Variants in PPFIA2 observed in about 807,000 individuals in gnomAD.
PPFIA2 encodes the protein liprin-alpha-2.
In PPFIA2, 46 loss-of-function variants were observed where a neutral mutation model predicts 175.5. The observed-to-expected ratio is 0.26, with a 90% confidence interval of 0.21 to 0.34. The LOEUF (loss-of-function observed/expected upper bound fraction) is 0.34, where lower values mean the gene tolerates loss of function less well. Among genes scored for constraint, PPFIA2 ranks in the 10% least tolerant of loss-of-function variants. PPFIA2 has a pLI of 1.00. For missense variants in PPFIA2, 1,179 were observed against 1,506.1 expected (o/e 0.78, Z 3.60); for synonymous variants, 568 against 511.4 (o/e 1.11, Z -1.49).
intron 4 of PPFIA2, among the ~76,000 whole-genome samples, chr12:81,553,713 C>T (rs2068341147): frequency 6.6e-6 from 1 of 152,008 alleles, no homozygotes; most frequent in Non-Finnish European, 1.5e-5. Context: ...TTGCATGATG[C>T]TAGTCCCATC....
chr12:81,706,834 T>A (rs968095073), intron 3 of PPFIA2, among the ~76,000 whole-genome samples: 4 of 152,152 alleles, frequency 2.6e-5, no homozygotes, highest in Non-Finnish European at 2.9e-5. Flanking sequence ...TACAGATCAA[T>A]GGAACAGAAC....
At chr12:81,527,726 T>C (rs541978339) in intron 4 of PPFIA2, among the ~76,000 whole-genome samples, 2 of 152,232 alleles carry the variant, frequency 1.3e-5, no homozygotes, top group South Asian at 2.1e-4. Flanking sequence ...TATCACCTAA[T>C]GTGATGGTAT....
intron 4 of PPFIA2, among the ~76,000 whole-genome samples, chr12:81,566,899 T>A (rs1303118949): frequency 6.6e-6 from 1 of 152,244 alleles, no homozygotes; most frequent in African/African-American, 2.4e-5. Context: ...CAACTGTACA[T>A]ACGTGTGTAC....
chr12:81,360,494 T>C (rs1054695338), intron 15 of PPFIA2, among the ~76,000 whole-genome samples: 42 of 151,876 alleles, frequency 2.8e-4, no homozygotes, highest in African/African-American at 8.4e-4. Context: ...CCAGAGTCTA[T>C]CTTTTTTCAG....
chr12:81,506,635 C>T (rs2061200276), intron 4 of PPFIA2, among the ~76,000 whole-genome samples: 3 of 152,120 alleles, frequency 2.0e-5, no homozygotes, highest in Non-Finnish European at 4.4e-5. Flanking sequence ...TTGTCAAGAT[C>T]TTTTGTGGAA....
At position 81,750,502 on chromosome 12, in the gene PPFIA2, T is replaced by C. The variant is rs189319341; in HGVS notation, c.249+3471A>G. ...TAGGTTGTGAATTGGAGGTAGATGATGACTGGGTTTGGAGCATGTTGAATC... is the reference window on the plus strand; with the variant it reads ...TAGGTTGTGAATTGGAGGTAGATGACGACTGGGTTTGGAGCATGTTGAATC... On this transcript the variant is annotated intron_variant, in intron 3 of 32. Transcript: ENST00000549396. Among the ~76,000 whole-genome samples the C allele has an allele frequency of 1.9e-3, 293 of 151,676 alleles. 8 individuals carry two copies. The highest frequency in any genetic ancestry group is 6.8e-3 in the African/African-American group (284 of 41,500).
At chr12:81,450,564 A>G (rs1337801018) in intron 5 of PPFIA2, among the ~76,000 whole-genome samples, 2 of 152,150 alleles carry the variant, frequency 1.3e-5, no homozygotes, top group African/African-American at 2.4e-5. Flanking sequence ...AGTAGGTTGC[A>G]AAAATTTTCT....
chr12:81,476,045 G>T (rs948246064), intron 4 of PPFIA2, among the ~76,000 whole-genome samples: 1 of 152,156 alleles, frequency 6.6e-6, no homozygotes, highest in Admixed American at 6.5e-5. Flanking sequence ...TCTTTTTGTT[G>T]ATGATAAGTT....
chr12:81,412,139 A>G (rs1305143254), intron 7 of PPFIA2, among the ~76,000 whole-genome samples: 1 of 151,944 alleles, frequency 6.6e-6, no homozygotes, highest in Non-Finnish European at 1.5e-5. Context: ...CATGAAAAAA[A>G]TGATTTGGGC....
intron 7 of PPFIA2, among the ~76,000 whole-genome samples, chr12:81,409,214 G>A (rs1283672039): frequency 6.6e-5 from 10 of 152,086 alleles, no homozygotes; most frequent in Non-Finnish European, 1.3e-4. Context: ...CACTGAGAGG[G>A]AATGTTGTCA....
At chr12:81,677,892 G>A (rs1007151271) in intron 3 of PPFIA2, among the ~76,000 whole-genome samples, 1 of 151,806 alleles carries the variant, frequency 6.6e-6, no homozygotes, top group Admixed American at 6.6e-5. Context: ...CTAAGGCTTT[G>A]GTTCCAGGGT....
intron 3 of PPFIA2, among the ~76,000 whole-genome samples, chr12:81,689,162 G>C (rs1234764996): frequency 6.6e-6 from 1 of 151,630 alleles, no homozygotes; most frequent in African/African-American, 2.4e-5. Context: ...TCCAAAATCA[G>C]ATATGCAAAA....
At position 81,368,827 on chromosome 12, in the gene PPFIA2, C is replaced by T. The variant is rs1423117105; in HGVS notation, c.1380G>A (p.Glu460=). ...CCGTATCCGATAATCTCTTGTTATG[C>T]TCCTCATTCATTTTCTCTCTTTGCC... The part of the protein sequence containing the change: ...RARQREKMNE[E]HNKRLSDTVD... The change falls in exon 13 of 33, where the codon GAG becomes GAA. Residue 460 remains glutamate (E), a synonymous_variant. Transcript: ENST00000549396. 6.8e-6 allele frequency: 11 copies of T among 1,610,408 alleles called. No individual in the cohort carries two copies. Among genetic ancestry groups the T allele is most frequent in the Non-Finnish European group, 9.3e-6 (11 of 1,177,838 alleles).
chr12:81,594,770 G>T (rs2059062299), intron 4 of PPFIA2, among the ~76,000 whole-genome samples: 1 of 151,980 alleles, frequency 6.6e-6, no homozygotes, highest in African/African-American at 2.4e-5. Flanking sequence ...AAAAGTAACT[G>T]GGTGTGGTGG....
intron 18 of PPFIA2, 63 bp downstream of exon 18, chr12:81,347,470 G>C (rs1027993035): frequency 7.2e-7 from 1 of 1,397,844 alleles, no homozygotes; most frequent in African/African-American, 1.4e-5. Context: ...ACCCAGTTAA[G>C]TTTTAGCTAA....
At chr12:81,406,367 A>G (rs2142944867) in intron 7 of PPFIA2, among the ~76,000 whole-genome samples, 1 of 152,272 alleles carries the variant, frequency 6.6e-6, no homozygotes, top group South Asian at 2.1e-4. Flanking sequence ...CCCATCTGCA[A>G]TTTAATATAA....
chr12:81,548,408 A>G (rs1461124236), intron 4 of PPFIA2, among the ~76,000 whole-genome samples: 1 of 152,174 alleles, frequency 6.6e-6, no homozygotes, highest in Non-Finnish European at 1.5e-5. Context: ...TGCTTGTTTG[A>G]ATTTCTAAGT....
intron 13 of PPFIA2, 21 bp from the exon 14 acceptor site, chr12:81,367,191 G>T (rs2033736847): frequency 1.5e-6 from 2 of 1,303,208 alleles, no homozygotes; most frequent in South Asian, 1.8e-5. Flanking sequence ...GAAAATAGCA[G>T]AAATAATTAA....
intron 4 of PPFIA2, among the ~76,000 whole-genome samples, chr12:81,539,365 C>G (rs986320014): frequency 3.3e-5 from 5 of 151,764 alleles, no homozygotes; most frequent in African/African-American, 1.2e-4. Flanking sequence ...GATGAGATCA[C>G]CAAATAACCA....
Sources: allele counts gnomAD v4.1 joint callset (sites outside exome capture counted in the v4.1 genomes callset), GRCh38; gene constraint gnomAD v4.1.1; transcripts MANE v1.5; gene names NCBI Gene and HGNC (gene_info 2026-07-23, HGNC 2026-07-21).